The following SLC38A12 variants were observed in gnomAD, a reference collection of about 807,000 sequenced individuals.
SLC38A12 encodes the protein solute carrier family 38 member 12.
chr17:74,834,919 C>A, the SLC38A12 span, among the ~76,000 whole-genome samples: 1 of 152,326 alleles, frequency 6.6e-6, no homozygotes, highest in African/African-American at 2.4e-5. Flanking sequence ...AAGCGGGAGA[C>A]ACAGAAAGAT....
the SLC38A12 span, among the ~76,000 whole-genome samples, chr17:74,806,886 C>T: frequency 6.6e-6 from 1 of 152,208 alleles, no homozygotes; most frequent in African/African-American, 2.4e-5. Context: ...GAGGGACAGC[C>T]TGTCACAGCC....
the SLC38A12 span, among the ~76,000 whole-genome samples, chr17:74,782,728 AGGACTCCCAAAGG>A: frequency 5.3e-5 from 8 of 152,242 alleles, no homozygotes; most frequent in African/African-American, 1.9e-4. Flanking sequence ...ACTCTGAGCC[AGGACTCCCAAAGG>A]GGAATCATAT....
the SLC38A12 span, among the ~76,000 whole-genome samples, chr17:74,822,813 G>A: frequency 1.2e-4 from 18 of 152,232 alleles, no homozygotes; most frequent in East Asian, 1.9e-3. Flanking sequence ...CAGTGCTGGC[G>A]GAAGGTGTGT....
chr17:74,796,574 C>T, the SLC38A12 span, among the ~76,000 whole-genome samples: 1 of 152,260 alleles, frequency 6.6e-6, no homozygotes, highest in Non-Finnish European at 1.5e-5. Flanking sequence ...CTCCTAGTCC[C>T]ACTCTGCAGC....
the SLC38A12 span, among the ~76,000 whole-genome samples, chr17:74,798,049 C>G: frequency 6.6e-6 from 1 of 152,216 alleles, no homozygotes; most frequent in Non-Finnish European, 1.5e-5. Context: ...CCAGATTTCA[C>G]TCAGTGTTCA....
chr17:74,807,859 G>A, the SLC38A12 span, among the ~76,000 whole-genome samples: 5 of 152,166 alleles, frequency 3.3e-5, no homozygotes, highest in African/African-American at 4.8e-5. Context: ...CGTAACATCC[G>A]TAAAGCTCTC....
the SLC38A12 span, chr17:74,836,962 A>G: frequency 8.1e-7 from 1 of 1,242,178 alleles, no homozygotes; most frequent in Non-Finnish European, 1.0e-6. The surrounding 1 kb of genome is among the most constrained non-coding windows in gnomAD (Gnocchi z 4.2). Flanking sequence ...CTGGAATCAC[A>G]CCTCTCCCAC....
the SLC38A12 span, among the ~76,000 whole-genome samples, chr17:74,825,069 C>T: frequency 1.3e-5 from 2 of 152,346 alleles, no homozygotes; most frequent in South Asian, 2.1e-4. Flanking sequence ...CCCACTGCTG[C>T]CAGCTTGGTG....
At chr17:74,803,311 G>A in the SLC38A12 span, among the ~76,000 whole-genome samples, 1 of 152,166 alleles carries the variant, frequency 6.6e-6, no homozygotes, top group South Asian at 2.1e-4. Flanking sequence ...AAACAGGCAG[G>A]CAGGGCTTGG....
chr17:74,832,954 C>T, the SLC38A12 span, among the ~76,000 whole-genome samples: 3 of 152,190 alleles, frequency 2.0e-5, no homozygotes, highest in African/African-American at 7.2e-5. Context: ...AGTGGCATTA[C>T]GAGGTGAAAC....
the SLC38A12 span, among the ~76,000 whole-genome samples, chr17:74,816,563 C>G: frequency 6.6e-6 from 1 of 152,206 alleles, no homozygotes; most frequent in African/African-American, 2.4e-5. Flanking sequence ...ACTCACTGAC[C>G]CAAAAAGAAA....
At chr17:74,778,639 C>CTTTTTTTTT in the SLC38A12 span, among the ~76,000 whole-genome samples, 1 of 75,786 alleles carries the variant, frequency 1.3e-5, no homozygotes, top group Non-Finnish European at 2.4e-5. Flanking sequence ...CAGGGGAAGT[C>CTTTTTTTTT]TTTTTTTTTT....
the SLC38A12 span, among the ~76,000 whole-genome samples, chr17:74,782,193 G>C: frequency 6.6e-6 from 1 of 152,114 alleles, no homozygotes; most frequent in Non-Finnish European, 1.5e-5. Context: ...TCAGCCTCCC[G>C]AGTAGCTGGG....
chr17:74,837,456 C>T, the SLC38A12 span: 1 of 985,572 alleles, frequency 1.0e-6, no homozygotes, highest in Non-Finnish European at 1.2e-6. Flanking sequence ...CTCGCTGCCC[C>T]ACTGGAGCCC....
chr17:74,788,894 G>C, the SLC38A12 span: 2 of 1,605,552 alleles, frequency 1.2e-6, no homozygotes, highest in East Asian at 2.2e-5. Flanking sequence ...CCTCGTCTCC[G>C]GGCCATGCCT....
the SLC38A12 span, among the ~76,000 whole-genome samples, chr17:74,809,935 T>C: frequency 1.3e-5 from 2 of 152,184 alleles, no homozygotes; most frequent in African/African-American, 4.8e-5. Context: ...TTATCTCCGC[T>C]AGCTGGGCGA....
At chr17:74,790,344 G>C in the SLC38A12 span, 3 of 1,558,356 alleles carry the variant, frequency 1.9e-6, no homozygotes, top group Non-Finnish European at 2.7e-6. Context: ...CGGGCCACAG[G>C]GTTCCCTTTC....
At chr17:74,813,936 G>A in the SLC38A12 span, among the ~76,000 whole-genome samples, 5 of 152,262 alleles carry the variant, frequency 3.3e-5, no homozygotes, top group South Asian at 8.3e-4. Context: ...AGTCCGCTCC[G>A]TCTCCTTCCA....
At chr17:74,836,039 C>G in the SLC38A12 span, 1 of 1,613,058 alleles carries the variant, frequency 6.2e-7, no homozygotes, top group East Asian at 2.2e-5. This position sits in a 1 kb window ranked among gnomAD's most constrained non-coding sequence, Gnocchi z 4.2. Flanking sequence ...GGGTGTGCGT[C>G]TACTCCTTCA....
Sources: allele counts gnomAD v4.1 joint callset (sites outside exome capture counted in the v4.1 genomes callset), GRCh38; gene constraint gnomAD v4.1.1; non-coding constraint Gnocchi (gnomAD v3.1); transcripts MANE v1.5; gene names NCBI Gene and HGNC (gene_info 2026-07-23, HGNC 2026-07-21).